The following NYX variants were observed in gnomAD, a reference collection of about 807,000 sequenced individuals.
NYX encodes the protein leucine-rich repeat protein.
For synonymous variants in NYX, 258 were observed against 245.7 expected, an observed-to-expected ratio of 1.05 and a Z score of -0.47; for missense variants, 481 against 485.4, an observed-to-expected ratio of 0.99 and a Z score of 0.09.
Position 41,474,299 on chromosome X carries a change from G to A in NYX, c.831G>A (p.Leu277=). Residue 277 remains leucine, a synonymous_variant, in exon 3 of 3, where the codon CTG becomes CTA. Coordinates refer to ENST00000378220, the MANE Select transcript of NYX (RefSeq NM_001378477.3). Reference sequence around the variant, plus strand: ...TCGCTGACCTGGCCGAGCTCGAGCTGCTCTACCTGGACCGCAACAGCATCG... The same window carrying A: ...TCGCTGACCTGGCCGAGCTCGAGCTACTCTACCTGGACCGCAACAGCATCG... The part of the protein sequence containing the change: ...AWFADLAELE[L]LYLDRNSIAF... 3.3e-6 allele frequency: 4 copies of A among 1,208,034 alleles called. No homozygotes were observed. Among genetic ancestry groups the A allele is most frequent in the Non-Finnish European group, 4.5e-6 (4 of 895,432 alleles).
chrX:41,455,769 A>G (rs1157657457), intron 2 of NYX, among the ~76,000 whole-genome samples: 1 of 111,761 alleles, frequency 8.9e-6, no homozygotes, highest in Non-Finnish European at 1.9e-5. Context: ...TCTTTTCACA[A>G]ACTGTAATCT....
chrX:41,474,961 G>A lies in NYX; in HGVS notation c.*62G>A. 2 of 1,029,057 alleles carry A rather than the reference G, an allele frequency of 1.9e-6. No individual in the cohort carries two copies. The highest frequency in any genetic ancestry group is 2.7e-6 in the Non-Finnish European group (2 of 745,612). The allele number at this position is 1,029,057 out of a possible 1,213,427, so 84.8% of individuals were successfully genotyped here. ...TGAGTGTGTTTGTGGTAAGGGGAGA[G>A]GAGCCGGAATGGAGGGCAGAGGTGA... On this transcript the variant is annotated 3_prime_UTR_variant, in exon 3 of 3. Coordinates refer to ENST00000378220, the MANE Select transcript of NYX (RefSeq NM_001378477.3).
intron 2 of NYX, among the ~76,000 whole-genome samples, chrX:41,465,684 T>G (rs2064335556): frequency 2.4e-5 from 1 of 41,539 alleles, no homozygotes; most frequent in East Asian, 1.3e-3. Context: ...CACCCAGCTA[T>G]TTTTTTTTTT....
intron 2 of NYX, among the ~76,000 whole-genome samples, chrX:41,453,602 T>C (rs1263300003): frequency 9.1e-6 from 1 of 110,052 alleles, no homozygotes; most frequent in Admixed American, 9.8e-5. Context: ...ACTACAGGCA[T>C]GCACCACCAT....
At chrX:41,459,371 C>T (rs1044123043) in intron 2 of NYX, among the ~76,000 whole-genome samples, 1 of 110,723 alleles carries the variant, frequency 9.0e-6, no homozygotes, top group Non-Finnish European at 1.9e-5. Context: ...GTAATCCCAG[C>T]ACTTTGGGAG....
chrX:41,455,490 G>T (rs747468613), intron 2 of NYX, among the ~76,000 whole-genome samples: 31 of 109,930 alleles, frequency 2.8e-4, no homozygotes, highest in Admixed American at 4.9e-4. Context: ...TAGGTCAAGA[G>T]GCTGTGCCCT....
intron 2 of NYX, among the ~76,000 whole-genome samples, chrX:41,453,459 C>CTTTTTTTTTTTTTTTTT (rs765178661): frequency 9.8e-6 from 1 of 102,124 alleles, no homozygotes; most frequent in African/African-American, 3.5e-5. Flanking sequence ...TCTTCTTCTT[C>CTTTTTTTTTTTTTTTTT]TTTTTTTTTT....
In NYX at chrX:41,457,214, G is replaced by C. The variant is rs193178904; in HGVS notation, c.22+9288G>C. 2.4e-3 allele frequency among the ~76,000 whole-genome samples: 260 copies of C among 107,478 alleles called. 1 individual carries two copies. The highest frequency in any genetic ancestry group is 8.3e-3 in the African/African-American group (244 of 29,487). The allele number at this position is 107,478 out of a possible 115,157, so 93.3% of individuals were successfully genotyped here. On this transcript the variant is annotated intron_variant, in intron 2 of 2. Transcript: ENST00000378220. The stretch of plus-strand genomic sequence containing the variant: ...CCAGCTACTCGGGAGGCTGAGGCAG[G>C]AGAATCGCTTGAACCCGGGAGGCGG...
intron 2 of NYX, among the ~76,000 whole-genome samples, 194 bp from the exon 3 acceptor site, chrX:41,473,297 C>T (rs1315484218): frequency 9.0e-6 from 1 of 110,655 alleles, no homozygotes; most frequent in Non-Finnish European, 1.9e-5. Context: ...GAGCGGGTGT[C>T]TTAGGTGGAT....
At position 41,475,208 on chromosome X, in the gene NYX, C is replaced by T; in HGVS notation, c.*309C>T. ...CATCCCTTCCCCTCCCCTCCCCTTC[C>T]CCTCATCTTCCAGGCAACAGTGCCT... On this transcript the variant is annotated 3_prime_UTR_variant, in exon 3 of 3. Transcript: ENST00000378220. The T allele has an allele frequency of 2.8e-6, 1 of 352,675 alleles. No homozygotes were observed. Among genetic ancestry groups the T allele is most frequent in the Non-Finnish European group, 5.0e-6 (1 of 199,820 alleles). The allele number at this position is 352,675 out of a possible 1,213,427, so 29.1% of individuals were successfully genotyped here.
At chrX:41,473,049 C>T (rs1184261596) in intron 2 of NYX, among the ~76,000 whole-genome samples, 2 of 111,891 alleles carry the variant, frequency 1.8e-5, no homozygotes, top group African/African-American at 3.2e-5. Flanking sequence ...CTGCCCGCCT[C>T]GGCCTCCCAA....
intron 2 of NYX, among the ~76,000 whole-genome samples, chrX:41,456,165 C>T (rs760206545): frequency 2.1e-4 from 23 of 111,189 alleles, no homozygotes; most frequent in Non-Finnish European, 3.8e-4. Flanking sequence ...GGTGGAACCC[C>T]GTTTCTACTA....
chrX:41,452,994 G>C (rs1044742526), intron 2 of NYX, among the ~76,000 whole-genome samples: 2 of 112,194 alleles, frequency 1.8e-5, no homozygotes, highest in African/African-American at 6.5e-5. Flanking sequence ...TGGAAGGAAA[G>C]TGATTTCTAG....
At chrX:41,456,598 G>A (rs1446219575) in intron 2 of NYX, among the ~76,000 whole-genome samples, 1 of 111,696 alleles carries the variant, frequency 9.0e-6, no homozygotes, top group African/African-American at 3.3e-5. Flanking sequence ...ATCATGTTGG[G>A]TACTGGGTGC....
At chrX:41,463,718 G>A (rs2064328657) in intron 2 of NYX, among the ~76,000 whole-genome samples, 1 of 110,616 alleles carries the variant, frequency 9.0e-6, no homozygotes, top group Admixed American at 9.7e-5. Context: ...ACCACGTCCA[G>A]CCCAATGCCT....
At chrX:41,467,212 T>C (rs1268397353) in intron 2 of NYX, among the ~76,000 whole-genome samples, 3 of 111,048 alleles carry the variant, frequency 2.7e-5, no homozygotes, top group Non-Finnish European at 5.7e-5. Flanking sequence ...CTCATCCACA[T>C]ATATTATTAT....
At chrX:41,461,560 G>C (rs2064320090) in intron 2 of NYX, among the ~76,000 whole-genome samples, 1 of 110,390 alleles carries the variant, frequency 9.1e-6, no homozygotes, top group Non-Finnish European at 1.9e-5. Flanking sequence ...TAGTGGGATT[G>C]CTGGATCAAA....
At chrX:41,455,661 G>T (rs755470555) in intron 2 of NYX, among the ~76,000 whole-genome samples, 1 of 111,208 alleles carries the variant, frequency 9.0e-6, no homozygotes, top group East Asian at 2.8e-4. Context: ...GGAAAAAAAA[G>T]CTCTGAAGCC....
intron 2 of NYX, among the ~76,000 whole-genome samples, chrX:41,456,494 C>G (rs184295281): frequency 8.9e-6 from 1 of 112,138 alleles, no homozygotes; most frequent in African/African-American, 3.2e-5. Flanking sequence ...AGAGGCCACA[C>G]TGCCCAGAGC....
Sources: allele counts gnomAD v4.1 joint callset (sites outside exome capture counted in the v4.1 genomes callset), GRCh38; gene constraint gnomAD v4.1.1; transcripts MANE v1.5; gene names NCBI Gene and HGNC (gene_info 2026-07-23, HGNC 2026-07-21).